TRABD2A: variants seen among roughly 807,000 people sequenced by gnomAD.
The protein encoded by TRABD2A is metalloprotease TIKI1.
TRABD2A carries 43 observed loss-of-function variants against 45.6 expected under a neutral mutation model. That is an observed-to-expected ratio of 0.94 (90% CI 0.74 to 1.22). TRABD2A has a LOEUF of 1.22. Ranked by LOEUF, TRABD2A falls within the 50% of genes most tolerant of loss-of-function variation. TRABD2A has a pLI of 0.00. For missense variants in TRABD2A, 642 were observed against 652.4 expected (o/e 0.98, Z 0.17); for synonymous variants, 269 against 265.0 (o/e 1.02, Z -0.15).
chr2:84,867,381 T>C (rs1208501398), intron 2 of TRABD2A, among the ~76,000 whole-genome samples: 7 of 152,202 alleles, frequency 4.6e-5, no homozygotes, highest in African/African-American at 1.4e-4. Context: ...TGGCTAGCCA[T>C]ATGTAGAAAG....
chr2:84,832,019 A>G (rs772287719), intron 5 of TRABD2A, 36 bp downstream of exon 5: 1 of 1,610,924 alleles, frequency 6.2e-7, no homozygotes, highest in Non-Finnish European at 8.5e-7. Flanking sequence ...TGAGGGTCTC[A>G]GCTCCCCAGC....
Position 84,870,375 on chromosome 2 carries a change from G to GT in TRABD2A, c.518dup (p.Asn173LysfsTer5). ...ACTTAATGTCCACTTCAGTCAGGGAGTTGACCATGAGCATCACCCAGACAG... is the reference window on the plus strand; with the variant it reads ...ACTTAATGTCCACTTCAGTCAGGGAGTTTGACCATGAGCATCACCCAGACAG... On this transcript the variant is annotated frameshift_variant, in exon 2 of 7. Coordinates refer to ENST00000409520, the MANE Select transcript of TRABD2A (RefSeq NM_001277053.2). LOFTEE classifies it high-confidence loss of function. 6.2e-7 allele frequency: 1 copy of GT among 1,614,034 alleles called. No homozygotes were observed. The highest frequency in any genetic ancestry group is 8.5e-7 in the Non-Finnish European group (1 of 1,179,898).
chr2:84,840,824 CT>C (rs969915069), intron 3 of TRABD2A, among the ~76,000 whole-genome samples: 18 of 152,138 alleles, frequency 1.2e-4, no homozygotes, highest in African/African-American at 4.1e-4. Context: ...CTCAATTTGA[CT>C]TTTTTTTCCT....
chr2:84,860,733 T>A (rs763818933), intron 2 of TRABD2A, among the ~76,000 whole-genome samples: 4 of 152,232 alleles, frequency 2.6e-5, no homozygotes, highest in Non-Finnish European at 4.4e-5. Flanking sequence ...TATTTCCTTC[T>A]CTCTTTCATC....
rs36090318 is a variant in TRABD2A at position 84,869,973 on chromosome 2, C to CAAAA, written c.669+248_669+251dup. On this transcript the variant is annotated intron_variant, in intron 2 of 6. Transcript: ENST00000409520. ...CAGCCTGGGTGGAATGACTCTGTCC[C>CAAAA]AAAAAAAAAAAAAAAAAAGTACACA... Among the ~76,000 whole-genome samples the CAAAA allele has an allele frequency of 3.7e-3, 283 of 76,396 alleles. 5 individuals are homozygous for CAAAA. Among genetic ancestry groups the CAAAA allele is most frequent in the African/African-American group, 0.012 (273 of 22,110 alleles). 50.1% of individuals were successfully genotyped at this position (76,396 alleles called of 152,430 possible).
rs114271239 is a variant in TRABD2A at position 84,842,106 on chromosome 2, C to T, written c.670-99G>A. On this transcript the variant is annotated intron_variant, in intron 2 of 6. Coordinates refer to ENST00000409520, the MANE Select transcript of TRABD2A (RefSeq NM_001277053.2). ...CTGGAAATACCTTCACCTTTGTGCT[C>T]GTTATGTAAGGACGTGGATAGTGCT... 1,050 of 1,294,414 alleles carry T rather than the reference C, an allele frequency of 8.1e-4. 6 individuals carry two copies. The African/African-American group carries it at 0.014, about 18-fold the overall frequency. The allele number at this position is 1,294,414 out of a possible 1,614,324, so 80.2% of individuals were successfully genotyped here.
chr2:84,860,313 C>A (rs951629605), intron 2 of TRABD2A, among the ~76,000 whole-genome samples: 1 of 152,100 alleles, frequency 6.6e-6, no homozygotes, highest in Non-Finnish European at 1.5e-5. Flanking sequence ...GGAGATAGAG[C>A]CTTTAAGTGA....
At chr2:84,879,995 A>AC (rs532891016) in intron 1 of TRABD2A, among the ~76,000 whole-genome samples, 3,705 of 128,348 alleles carry the variant, frequency 0.029, 74 homozygotes, top group South Asian at 0.096. Context: ...CCCACCCCCA[A>AC]CCCCCCCCAC....
chr2:84,866,928 T>C (rs1682701003), intron 2 of TRABD2A, among the ~76,000 whole-genome samples: 1 of 152,026 alleles, frequency 6.6e-6, no homozygotes, highest in Admixed American at 6.5e-5. Context: ...CTACTAAAAA[T>C]ATAAAAATTA....
At chr2:84,832,809 A>G (rs1257400548) in intron 4 of TRABD2A, 1 of 150,522 alleles carries the variant, frequency 6.6e-6, no homozygotes, top group Non-Finnish European at 1.5e-5. Context: ...CAATTAAAAA[A>G]AAAAGGAGGG....
At chr2:84,878,379 GC>G (rs1338491502) in intron 1 of TRABD2A, among the ~76,000 whole-genome samples, 1 of 152,102 alleles carries the variant, frequency 6.6e-6, no homozygotes, top group Non-Finnish European at 1.5e-5. Context: ...ACAAAAATTA[GC>G]CGGGCTTGGT....
intron 2 of TRABD2A, among the ~76,000 whole-genome samples, chr2:84,866,198 G>A (rs1682672317): frequency 6.6e-6 from 1 of 152,202 alleles, no homozygotes; most frequent in South Asian, 2.1e-4. Flanking sequence ...GGAGGAGTGG[G>A]GACTGCGGCC....
chr2:84,839,094 T>G, intron 4 of TRABD2A, 55 bp downstream of exon 4: 1 of 1,600,770 alleles, frequency 6.2e-7, no homozygotes, highest in Non-Finnish European at 8.5e-7. Context: ...CAACATTCCC[T>G]TCTTGGGAGA....
intron 2 of TRABD2A, among the ~76,000 whole-genome samples, chr2:84,844,439 A>G (rs1374826826): frequency 6.6e-6 from 1 of 152,128 alleles, no homozygotes; most frequent in Non-Finnish European, 1.5e-5. Context: ...TGGAACTGTG[A>G]GTCCATTAAA....
chr2:84,860,710 C>CCTTTTCT (rs1682467533), intron 2 of TRABD2A, among the ~76,000 whole-genome samples: 1 of 152,228 alleles, frequency 6.6e-6, no homozygotes, highest in African/African-American at 2.4e-5. Context: ...TCCTAAGCCT[C>CCTTTTCT]CTTTTCTCTG....
At chr2:84,870,157 C>T (rs1682823345) in intron 2 of TRABD2A, 68 bp downstream of exon 2, 4 of 1,443,558 alleles carry the variant, frequency 2.8e-6, no homozygotes, top group Non-Finnish European at 2.8e-6. Context: ...CATCACCTGC[C>T]CTGAAACTCA....
At chr2:84,839,748 C>T (rs1051347768) in intron 3 of TRABD2A, among the ~76,000 whole-genome samples, 1 of 152,126 alleles carries the variant, frequency 6.6e-6, no homozygotes, top group Non-Finnish European at 1.5e-5. Flanking sequence ...TTTGTATAAA[C>T]ACTTAAATGT....
chr2:84,825,913 A>G (rs1681133309), intron 5 of TRABD2A, among the ~76,000 whole-genome samples: 1 of 152,096 alleles, frequency 6.6e-6, no homozygotes, highest in Non-Finnish European at 1.5e-5. Context: ...CTAATACCTG[A>G]TGATATGAGG....
chr2:84,874,667 T>C (rs1402328717), intron 1 of TRABD2A: 3 of 160,798 alleles, frequency 1.9e-5, no homozygotes, highest in Non-Finnish European at 4.1e-5. Flanking sequence ...GCACCGGGAG[T>C]GAAGTCAATG....
Sources: gnomAD v4.1 joint callset for allele counts (sites outside exome capture counted in the v4.1 genomes callset) on GRCh38, gnomAD v4.1.1 for gene constraint, MANE v1.5 for transcripts, NCBI Gene and HGNC (gene_info 2026-07-23, HGNC 2026-07-21) for gene names.